WDFY3: variants seen among roughly 807,000 people sequenced by gnomAD.
The protein encoded by WDFY3 is WD repeat and FYVE domain containing 3, also known as WD repeat and FYVE domain-containing protein 3.
WDFY3 carries 66 observed loss-of-function variants against 409.6 expected under a neutral mutation model. The ratio of observed to expected loss-of-function variants is 0.16; its 90% confidence interval spans 0.13 to 0.20. The LOEUF (loss-of-function observed/expected upper bound fraction) is 0.20, where lower values mean the gene tolerates loss of function less well. Ranked by LOEUF, WDFY3 falls within the 10% of genes least tolerant of loss-of-function variation. The pLI is 1.00. For synonymous variants in WDFY3, 1,521 were observed against 1,537.1 expected, an observed-to-expected ratio of 0.99 and a Z score of 0.25; for missense variants, 3,031 against 4,298.1, an observed-to-expected ratio of 0.71 and a Z score of 8.24.
chr4:84,706,191 A>T (rs1186922489), intron 53 of WDFY3, among the ~76,000 whole-genome samples: 2 of 152,234 alleles, frequency 1.3e-5, no homozygotes, highest in Non-Finnish European at 2.9e-5. Flanking sequence ...TGGAAATTTG[A>T]AATATGTGCC....
chr4:84,915,017 C>T (rs377182976), intron 2 of WDFY3, among the ~76,000 whole-genome samples: 14 of 152,198 alleles, frequency 9.2e-5, no homozygotes, highest in South Asian at 6.2e-4. Flanking sequence ...TTCTGATACA[C>T]GCAACAACAT....
At chr4:84,892,001 T>C (rs1208400102) in intron 3 of WDFY3, among the ~76,000 whole-genome samples, 1 of 150,446 alleles carries the variant, frequency 6.6e-6, no homozygotes, top group African/African-American at 2.5e-5. Flanking sequence ...TGTCTAAAGG[T>C]AATTTAGAAA....
chr4:84,768,706 T>A (rs1171177055), intron 30 of WDFY3, among the ~76,000 whole-genome samples: 1 of 152,210 alleles, frequency 6.6e-6, no homozygotes, highest in East Asian at 1.9e-4. Context: ...AAAAAATTAA[T>A]GTTGTTTTCA....
rs563273994 is a variant in WDFY3, at chr4:84,793,826, T to C, written c.3487+693A>G. Among the ~76,000 whole-genome samples the C allele has an allele frequency of 1.4e-4, 21 of 152,318 alleles. No individual in the cohort carries two copies. In the East Asian group the frequency reaches 3.9e-3, roughly 28 times the overall value. ...ACTAACATTCATATTATATTAATAT[T>C]TATTGAACACCAACCACATGTCAAT... is the stretch of plus-strand genomic sequence containing the variant. On this transcript the variant is annotated intron_variant, in intron 21 of 67. Coordinates refer to ENST00000295888, the MANE Select transcript of WDFY3 (RefSeq NM_014991.6).
chr4:84,876,904 C>A (rs957006156), intron 3 of WDFY3, among the ~76,000 whole-genome samples: 4 of 152,162 alleles, frequency 2.6e-5, no homozygotes, highest in Admixed American at 2.6e-4. Flanking sequence ...ATAAAAATTA[C>A]ATTAATCATT....
At chr4:84,945,507 G>A (rs1425696780) in intron 1 of WDFY3, among the ~76,000 whole-genome samples, 1 of 152,220 alleles carries the variant, frequency 6.6e-6, no homozygotes, top group Non-Finnish European at 1.5e-5. Context: ...GTGATGGGCA[G>A]ATGCCCAGGG....
At chr4:84,777,449 C>T (rs1395802158) in intron 27 of WDFY3, among the ~76,000 whole-genome samples, 2 of 152,012 alleles carry the variant, frequency 1.3e-5, no homozygotes, top group Non-Finnish European at 2.9e-5. Context: ...AGGATATTAA[C>T]ACCTGAAAGC....
At chr4:84,808,535 A>T in intron 14 of WDFY3, 118 bp from the exon 15 acceptor site, 1 of 751,252 alleles carries the variant, frequency 1.3e-6, no homozygotes, top group Non-Finnish European at 2.3e-6. Context: ...AACATCTTCC[A>T]TATTCAGCAG....
At chr4:84,726,729 C>A in intron 45 of WDFY3, 132 bp downstream of exon 45, 2 of 747,792 alleles carry the variant, frequency 2.7e-6, no homozygotes, top group Non-Finnish European at 4.2e-6. Flanking sequence ...CTCTAAGGAA[C>A]TTATAGGAAG....
At chr4:84,770,431 T>C (rs1744474316) in intron 30 of WDFY3, among the ~76,000 whole-genome samples, 1 of 152,220 alleles carries the variant, frequency 6.6e-6, no homozygotes, top group African/African-American at 2.4e-5. Context: ...AAAAAATTTA[T>C]GTGACTCACT....
intron 50 of WDFY3, among the ~76,000 whole-genome samples, chr4:84,714,519 A>C (rs1331122041): frequency 1.3e-5 from 2 of 152,242 alleles, no homozygotes; most frequent in Non-Finnish European, 2.9e-5. Flanking sequence ...TCAAGGATGA[A>C]GGTATCCAAC....
chr4:84,787,666 T>C lies in WDFY3; in HGVS notation c.3717A>G (p.Pro1239=). ...STPGGSGSAN[P]PVVSTVYAYI... is the part of the protein sequence containing the mutation. ...AGGCATAGACCGTGCTCACCACTGG[T>C]GGATTTGCCGAACCTGAACCCCCTG... The change falls in exon 23 of 68, where the codon CCA becomes CCG. Residue 1239 remains proline (P), a synonymous_variant. Transcript: ENST00000295888. The C allele has an allele frequency of 1.9e-6, 3 of 1,614,128 alleles. No homozygotes were observed. The highest frequency in any genetic ancestry group is 1.3e-5 in the African/African-American group (1 of 75,052).
chr4:84,697,131 G>C (rs1266825848), intron 56 of WDFY3, among the ~76,000 whole-genome samples: 1 of 152,158 alleles, frequency 6.6e-6, no homozygotes, highest in African/African-American at 2.4e-5. Context: ...ACTCCTCGGA[G>C]GTTTAATATG....
intron 3 of WDFY3, chr4:84,879,556 A>G (rs1027517111): frequency 6.6e-6 from 1 of 152,150 alleles, no homozygotes; most frequent in Non-Finnish European, 1.5e-5. Context: ...GCTGGAAAGT[A>G]CAACCTCAGG....
At chr4:84,956,281 C>T (rs1307308739) in intron 1 of WDFY3, among the ~76,000 whole-genome samples, 1 of 152,124 alleles carries the variant, frequency 6.6e-6, no homozygotes, top group Non-Finnish European at 1.5e-5. Context: ...AACACAGGTA[C>T]CAAAGGCTTA....
At chr4:84,829,519 G>A (rs1207561558) in intron 8 of WDFY3, among the ~76,000 whole-genome samples, 1 of 151,876 alleles carries the variant, frequency 6.6e-6, no homozygotes, top group Non-Finnish European at 1.5e-5. Flanking sequence ...TATTGATATA[G>A]TAACAAGATG....
Position 84,789,749 on chromosome 4 carries a change from C to T in WDFY3, c.3646G>A (p.Gly1216Arg). The T allele has an allele frequency of 6.2e-7, 1 of 1,613,274 alleles. No individual in the cohort carries two copies. The highest frequency in any genetic ancestry group is 8.5e-7 in the Non-Finnish European group (1 of 1,179,874). The change falls in exon 22 of 68, where the codon GGA becomes AGA. Residue 1216 changes from glycine to arginine, a missense_variant. Around this residue, in one of 16 missense-constraint regions of WDFY3, gnomAD observed 1,322 missense variants for 1,697.9 expected, o/e 0.78. Coordinates refer to ENST00000295888, the MANE Select transcript of WDFY3 (RefSeq NM_014991.6). Reference sequence around the variant, plus strand: ...ACCTTTACAGTGTTAACAAGCTGTCCATCAATATAAAGGGCTGCAGTACTG... The same window carrying T: ...ACCTTTACAGTGTTAACAAGCTGTCTATCAATATAAAGGGCTGCAGTACTG... ...KNSTAALYID[G>R]QLVNTVKLHY...
intron 18 of WDFY3, 73 bp downstream of exon 18, chr4:84,797,923 C>A: frequency 3.7e-6 from 5 of 1,364,086 alleles, no homozygotes; most frequent in Non-Finnish European, 5.1e-6. Context: ...TCACAAACTT[C>A]TTGAAATAAT....
chr4:84,929,883 C>A (rs1273641043), intron 2 of WDFY3, among the ~76,000 whole-genome samples: 1 of 151,740 alleles, frequency 6.6e-6, no homozygotes, highest in African/African-American at 2.4e-5. Flanking sequence ...TGCACTCCAG[C>A]CTGGGCAACA....
Sources: allele counts gnomAD v4.1 joint callset (sites outside exome capture counted in the v4.1 genomes callset), GRCh38; gene constraint gnomAD v4.1.1; regional missense constraint gnomAD v4.1.1; transcripts MANE v1.5; gene names NCBI Gene and HGNC (gene_info 2026-07-23, HGNC 2026-07-21).